TASP1: variants seen among roughly 807,000 people sequenced by gnomAD.
The protein encoded by TASP1 is threonine aspartase 1.
A neutral mutation model predicts 56.6 loss-of-function variants in TASP1; 16 were observed. The observed-to-expected ratio is 0.28, with a 90% CI of 0.19 to 0.43. TASP1 has a LOEUF of 0.43. TASP1 is among the 20% of genes least tolerant of loss of function. The pLI, the probability that TASP1 is intolerant of heterozygous loss-of-function variation, is 1.00. For synonymous variants in TASP1, 179 were observed against 184.2 expected, an observed-to-expected ratio of 0.97 and a Z score of 0.23; for missense variants, 393 against 511.6, an observed-to-expected ratio of 0.77 and a Z score of 2.24.
At chr20:13,393,148 C>T (rs2041358806) in intron 13 of TASP1, 1 of 661,072 alleles carries the variant, frequency 1.5e-6, no homozygotes, top group Non-Finnish European at 2.8e-6. Flanking sequence ...TGCTTAGCAC[C>T]CCTGGCCAAA....
At chr20:13,618,937 G>A (rs549537662) in intron 4 of TASP1, among the ~76,000 whole-genome samples, 4 of 151,632 alleles carry the variant, frequency 2.6e-5, no homozygotes, top group South Asian at 2.1e-4. Context: ...GCACAGTCTC[G>A]GCTCACTGCC....
the TASP1 span, among the ~76,000 whole-genome samples, chr20:13,151,515 G>A: frequency 3.9e-5 from 6 of 152,250 alleles, no homozygotes; most frequent in East Asian, 1.2e-3. Flanking sequence ...GGCAGAGTTG[G>A]GGAGGGATCA....
chr20:13,145,388 T>G, the TASP1 span, among the ~76,000 whole-genome samples: 2 of 152,038 alleles, frequency 1.3e-5, no homozygotes, highest in African/African-American at 4.8e-5. Flanking sequence ...CCATTCACAA[T>G]TGCCACAAAA....
the TASP1 span, among the ~76,000 whole-genome samples, chr20:13,223,046 C>T: frequency 1.3e-5 from 2 of 152,054 alleles, no homozygotes; most frequent in East Asian, 3.9e-4. Context: ...GCCTGTAGTC[C>T]CAGTTACTCG....
intron 10 of TASP1, among the ~76,000 whole-genome samples, chr20:13,521,231 CTAGAA>C: frequency 1.3e-5 from 2 of 152,250 alleles, no homozygotes; most frequent in Middle Eastern, 3.4e-3. Context: ...CCTCAGGGAT[CTAGAA>C]CTAGAAATAC....
chr20:13,616,872 C>G (rs1289155361), intron 4 of TASP1: 1 of 319,620 alleles, frequency 3.1e-6, no homozygotes, highest in African/African-American at 2.2e-5. Flanking sequence ...CTGTCCCAGG[C>G]TAAATGGGCT....
At chr20:13,515,727 C>G (rs983245454) in intron 10 of TASP1, among the ~76,000 whole-genome samples, 4 of 152,018 alleles carry the variant, frequency 2.6e-5, no homozygotes, top group Non-Finnish European at 5.9e-5. Flanking sequence ...CATCTGAAAG[C>G]AAAACCCCGG....
rs560377347 is a variant in TASP1 at position 13,516,002 on chromosome 20, C to T, written c.874+12431G>A. Reference sequence around the variant, plus strand: ...TTAAACATTCGTATGCTCAACCAAACCCTATTCCTAGCCAGTCGGCTCACT... The same window carrying T: ...TTAAACATTCGTATGCTCAACCAAATCCTATTCCTAGCCAGTCGGCTCACT... On this transcript the variant is annotated intron_variant, in intron 10 of 13. Transcript: ENST00000337743. Among the ~76,000 whole-genome samples, 7 of 152,214 alleles carry T rather than the reference C, an allele frequency of 4.6e-5. No homozygotes were observed. In the South Asian group the frequency reaches 8.3e-4, roughly 18 times the overall value.
chr20:13,282,291 C>G, the TASP1 span, among the ~76,000 whole-genome samples: 1 of 152,174 alleles, frequency 6.6e-6, no homozygotes, highest in Non-Finnish European at 1.5e-5. Context: ...TGCTCTCCAT[C>G]TCCTGAATGA....
At chr20:13,390,904 G>C (rs1187663249) in intron 13 of TASP1, among the ~76,000 whole-genome samples, 1 of 152,136 alleles carries the variant, frequency 6.6e-6, no homozygotes, top group African/African-American at 2.4e-5. Context: ...AAGAATTTCA[G>C]TAGCTTACAA....
At chr20:13,433,950 T>C (rs2042914781) in intron 12 of TASP1, among the ~76,000 whole-genome samples, 1 of 151,890 alleles carries the variant, frequency 6.6e-6, no homozygotes, top group Admixed American at 6.6e-5. Flanking sequence ...GCATGTAACA[T>C]TGTTGAATCT....
At chr20:13,161,869 C>T in the TASP1 span, among the ~76,000 whole-genome samples, 2 of 152,176 alleles carry the variant, frequency 1.3e-5, no homozygotes, top group East Asian at 1.9e-4. Context: ...CCTTCGTCTT[C>T]ACCAGTATAG....
At chr20:13,174,315 C>G in the TASP1 span, among the ~76,000 whole-genome samples, 1 of 152,078 alleles carries the variant, frequency 6.6e-6, no homozygotes, top group Non-Finnish European at 1.5e-5. Flanking sequence ...GAGAGAGAGG[C>G]AACTTGAACA....
At chr20:13,468,093 C>T (rs1176154828) in intron 11 of TASP1, among the ~76,000 whole-genome samples, 2 of 152,054 alleles carry the variant, frequency 1.3e-5, no homozygotes, top group Non-Finnish European at 2.9e-5. Context: ...ACAGCAAACA[C>T]ACTGAAAATT....
At chr20:13,192,890 T>C in the TASP1 span, among the ~76,000 whole-genome samples, 4 of 152,030 alleles carry the variant, frequency 2.6e-5, no homozygotes, top group African/African-American at 9.7e-5. Context: ...AAAGTAACAA[T>C]GTATTGGAGT....
intron 11 of TASP1, among the ~76,000 whole-genome samples, chr20:13,471,739 C>T (rs2044501738): frequency 6.6e-6 from 1 of 152,168 alleles, no homozygotes; most frequent in Admixed American, 6.6e-5. Context: ...CTCTGGTATG[C>T]AGCTCCCAGC....
At chr20:13,549,097 G>C (rs112410763) in intron 8 of TASP1, among the ~76,000 whole-genome samples, 1 of 152,122 alleles carries the variant, frequency 6.6e-6, no homozygotes, top group Non-Finnish European at 1.5e-5. Context: ...TGACTTAACT[G>C]CTGAGGAAAC....
intron 5 of TASP1, among the ~76,000 whole-genome samples, chr20:13,581,766 C>G (rs1403526363): frequency 1.3e-5 from 2 of 152,148 alleles, no homozygotes; most frequent in African/African-American, 4.8e-5. Flanking sequence ...CTAATGTGCT[C>G]CAGGCCCAGT....
chr20:13,553,803 A>G (rs996284576), intron 8 of TASP1, among the ~76,000 whole-genome samples: 2 of 152,212 alleles, frequency 1.3e-5, no homozygotes, highest in African/African-American at 4.8e-5. Flanking sequence ...TATACACTGT[A>G]AACGACCTAC....
Sources: allele counts gnomAD v4.1 joint callset (sites outside exome capture counted in the v4.1 genomes callset), GRCh38; gene constraint gnomAD v4.1.1; transcripts MANE v1.5; gene names NCBI Gene and HGNC (gene_info 2026-07-23, HGNC 2026-07-21).